EML5: variants seen among roughly 807,000 people sequenced by gnomAD.
EML5 encodes the protein EMAP like 5, also known as echinoderm microtubule-associated protein-like 5.
In EML5, 120 loss-of-function variants were observed where a neutral mutation model predicts 250.0. The ratio of observed to expected loss-of-function variants is 0.48; its 90% CI spans 0.41 to 0.56. The LOEUF is 0.56. Ranked by LOEUF, EML5 falls within the 20% of genes least tolerant of loss-of-function variation. The pLI, the probability that EML5 is intolerant of heterozygous loss-of-function variation, is 0.00. For missense variants in EML5, 2,006 were observed against 2,437.6 expected, an observed-to-expected ratio of 0.82 and a Z score of 3.73; for synonymous variants, 771 against 806.5, an observed-to-expected ratio of 0.96 and a Z score of 0.75.
rs377566563 is a variant in EML5 at position 88,790,180 on chromosome 14, A to G, written c.197+2127T>C. Among the ~76,000 whole-genome samples the G allele has an allele frequency of 2.4e-4, 36 of 152,272 alleles. 1 individual carries two copies. Among genetic ancestry groups the G allele is most frequent in the African/African-American group, 8.4e-4 (35 of 41,544 alleles). ...GTCCAGAGCCCTTTCACTGATTCCT[A>G]AATTATATTCTCAGTATCATATTAA... On this transcript the variant is annotated intron_variant, in intron 1 of 43. Transcript: ENST00000554922.
intron 9 of EML5, 56 bp from the exon 10 acceptor site, chr14:88,712,539 C>T (rs1354160983): frequency 2.1e-6 from 3 of 1,445,890 alleles, no homozygotes; most frequent in South Asian, 2.5e-5. Context: ...TTTTCTCAAG[C>T]CTAAACTGTA....
At position 88,688,897 on chromosome 14, in the gene EML5, T is replaced by C. The variant is rs76838346; in HGVS notation, c.2540-424A>G. Among the ~76,000 whole-genome samples the C allele has an allele frequency of 3.6e-3, 550 of 152,362 alleles. 3 individuals carry two copies. The highest frequency in any genetic ancestry group is 0.012 in the African/African-American group (503 of 41,598). On this transcript the variant is annotated intron_variant, in intron 17 of 43. Coordinates refer to ENST00000554922, the MANE Select transcript of EML5 (RefSeq NM_183387.3). ...TCACGCTTTAGTATTGTGAATGTGA[T>C]ACTGATTATTCTCATGCATTCCTTT...
intron 10 of EML5, among the ~76,000 whole-genome samples, chr14:88,708,029 G>A (rs965767337): frequency 2.6e-5 from 4 of 152,102 alleles, no homozygotes; most frequent in African/African-American, 7.2e-5. Context: ...TGCCTATACC[G>A]AGTGATAGAG....
chr14:88,643,377 G>GA (rs59186795), intron 30 of EML5, among the ~76,000 whole-genome samples: 1,615 of 151,706 alleles, frequency 0.011, 28 homozygotes, highest in African/African-American at 0.037. Flanking sequence ...AAATATTGGG[G>GA]AAAAAAACAA....
intron 27 of EML5, among the ~76,000 whole-genome samples, chr14:88,654,229 C>T (rs1438617721): frequency 2.6e-5 from 4 of 152,100 alleles, no homozygotes; most frequent in Non-Finnish European, 5.9e-5. Flanking sequence ...TTTCAAAAAA[C>T]CAGCTCCTGG....
In EML5 at chr14:88,792,301, C is replaced by T. The variant is rs1443904341; in HGVS notation, c.197+6G>A. ...GGTGACGGCGGCGGCCCCCGCTCCC[C>T]GGTACCTGATGATGTCGTCGCTGTG... On this transcript the variant is annotated splice_donor_region_variant and intron_variant, in intron 1 of 43. Transcript: ENST00000554922. The surrounding 1 kb of genome is among the most constrained non-coding windows in gnomAD (Gnocchi z 6.9). 1 of 1,550,190 alleles carries T rather than the reference C, an allele frequency of 6.5e-7. No homozygotes were observed. The highest frequency in any genetic ancestry group is 8.7e-7 in the Non-Finnish European group (1 of 1,149,098).
chr14:88,772,736 G>A (rs1404420448), intron 1 of EML5, among the ~76,000 whole-genome samples: 1 of 151,856 alleles, frequency 6.6e-6, no homozygotes, highest in Non-Finnish European at 1.5e-5. Context: ...CTGGGCGACA[G>A]GGCAAGACTC....
intron 20 of EML5, among the ~76,000 whole-genome samples, chr14:88,683,751 G>A (rs533612146): frequency 1.3e-5 from 2 of 152,170 alleles, no homozygotes; most frequent in East Asian, 1.9e-4. Context: ...CATAGAAAAA[G>A]CATTTGATGA....
chr14:88,657,663 T>A (rs1288011931), intron 26 of EML5, among the ~76,000 whole-genome samples, 161 bp from the exon 27 acceptor site: 4 of 152,160 alleles, frequency 2.6e-5, no homozygotes, highest in Non-Finnish European at 4.4e-5. Flanking sequence ...AGAAGAATAT[T>A]TAATTATATG....
At chr14:88,709,770 C>T (rs1370515814) in intron 10 of EML5, among the ~76,000 whole-genome samples, 1 of 152,062 alleles carries the variant, frequency 6.6e-6, no homozygotes, top group Non-Finnish European at 1.5e-5. Context: ...CCCAAATGTC[C>T]AATGACAGGA....
chr14:88,785,904 A>G (rs185119940), intron 1 of EML5, among the ~76,000 whole-genome samples: 1 of 152,290 alleles, frequency 6.6e-6, no homozygotes, highest in East Asian at 1.9e-4. Flanking sequence ...TTTTGATTAA[A>G]TAGTTCCAAT....
intron 6 of EML5, among the ~76,000 whole-genome samples, chr14:88,737,819 A>G (rs574698270): frequency 1.3e-5 from 2 of 152,224 alleles, no homozygotes; most frequent in Non-Finnish European, 2.9e-5. Flanking sequence ...AGCCAGTCTT[A>G]TAACACTTCA....
Position 88,714,959 on chromosome 14 carries a change from C to T in EML5, c.1424G>A (p.Arg475Lys). Residue 475 changes from arginine to lysine, a missense_variant, in exon 9 of 44, where the codon AGA becomes AAA. Arg to Lys is a conservative substitution (Grantham distance 26). This residue lies in a region of EML5 where 1,375 missense variants were observed against 1,590.3 expected (regional missense o/e 0.86). Transcript: ENST00000554922. ...GTTACCTGGCATTCTATAAAAAAGTCTTTTCCCATTTCCATCATTTGTCTG... is the reference window on the plus strand; with the variant it reads ...GTTACCTGGCATTCTATAAAAAAGTTTTTTCCCATTTCCATCATTTGTCTG... ...YLQTNDGNGKRLFYRMPGGKE... is the reference protein window; with the variant it reads ...YLQTNDGNGKKLFYRMPGGKE... 1 of 1,612,538 alleles carries T rather than the reference C, an allele frequency of 6.2e-7. No individual in the cohort carries two copies. Among genetic ancestry groups the T allele is most frequent in the Admixed American group, 1.7e-5 (1 of 59,858 alleles).
chr14:88,668,550 C>G (rs560606063), intron 21 of EML5, among the ~76,000 whole-genome samples: 8 of 151,952 alleles, frequency 5.3e-5, no homozygotes, highest in Admixed American at 2.0e-4. Context: ...GGGAAAAAAG[C>G]CTAATTGGAG....
rs192272549 is a variant in EML5 at position 88,614,679 on chromosome 14, G to A, written c.*1139C>T. 3.3e-4 allele frequency: 50 copies of A among 152,240 alleles called. No homozygotes were observed. Among genetic ancestry groups the A allele is most frequent in the African/African-American group, 1.2e-3 (48 of 41,554 alleles). The allele number at this position is 152,240 out of a possible 1,614,324, so 9.4% of individuals were successfully genotyped here. Reference sequence around the variant, plus strand: ...GGAAACTACAGATAGGCTAGACAGCGAATTCCTGAATGATGAGTAGTGATC... The same window carrying A: ...GGAAACTACAGATAGGCTAGACAGCAAATTCCTGAATGATGAGTAGTGATC... On this transcript the variant is annotated 3_prime_UTR_variant, in exon 44 of 44. Transcript: ENST00000554922.
At chr14:88,634,077 C>T (rs1489561817) in intron 33 of EML5, among the ~76,000 whole-genome samples, 1 of 152,180 alleles carries the variant, frequency 6.6e-6, no homozygotes, top group Admixed American at 6.5e-5. Context: ...TTGTAACCCC[C>T]AGTGTTGGAG....
At chr14:88,704,730 C>A in intron 13 of EML5, 130 bp downstream of exon 13, 1 of 594,784 alleles carries the variant, frequency 1.7e-6, no homozygotes, top group East Asian at 2.8e-5. Flanking sequence ...TGTGTTTTCC[C>A]CATGGGCAAT....
At chr14:88,621,833 C>A (rs116289454) in intron 37 of EML5, 1 of 455,492 alleles carries the variant, frequency 2.2e-6, no homozygotes, top group Non-Finnish European at 4.4e-6. Flanking sequence ...TAGGGTAATA[C>A]GCATAACCAT....
intron 21 of EML5, among the ~76,000 whole-genome samples, chr14:88,681,450 T>C (rs1257478859): frequency 6.6e-6 from 1 of 152,196 alleles, no homozygotes; most frequent in Non-Finnish European, 1.5e-5. Context: ...CTCTCTACCC[T>C]GACAGCTTCA....
Sources: gnomAD v4.1 joint callset for allele counts (sites outside exome capture counted in the v4.1 genomes callset) on GRCh38, gnomAD v4.1.1 for gene constraint, gnomAD v4.1.1 regional missense constraint, Gnocchi (gnomAD v3.1) non-coding constraint, MANE v1.5 for transcripts, NCBI Gene and HGNC (gene_info 2026-07-23, HGNC 2026-07-21) for gene names.